PAK5: variants seen among roughly 807,000 people sequenced by gnomAD.
PAK5 encodes the protein p21 (RAC1) activated kinase 5.
PAK5 carries 16 observed loss-of-function variants against 65.9 expected under a neutral mutation model. That is an observed-to-expected ratio of 0.24 (90% confidence interval 0.16 to 0.37). The LOEUF (loss-of-function observed/expected upper bound fraction) is 0.37. Among genes scored for constraint, PAK5 ranks in the 10% least tolerant of loss-of-function variants. PAK5 has a pLI of 1.00. For synonymous variants in PAK5, 371 were observed against 354.9 expected (o/e 1.05, Z -0.51); for missense variants, 785 against 903.9 (o/e 0.87, Z 1.69).
intron 1 of PAK5, among the ~76,000 whole-genome samples, chr20:9,788,272 A>C (rs1312929018): frequency 6.6e-6 from 1 of 152,032 alleles, no homozygotes; most frequent in African/African-American, 2.4e-5. Flanking sequence ...GCAAGAACCT[A>C]TCATTGATGA....
chr20:9,754,916 GT>G (rs1343364144), intron 1 of PAK5, among the ~76,000 whole-genome samples: 2 of 152,144 alleles, frequency 1.3e-5, no homozygotes, highest in Non-Finnish European at 2.9e-5. Flanking sequence ...AACTACCTTT[GT>G]CTATCGGGAA....
At chr20:9,662,631 G>T (rs566461173) in intron 2 of PAK5, among the ~76,000 whole-genome samples, 2 of 152,176 alleles carry the variant, frequency 1.3e-5, no homozygotes, top group Non-Finnish European at 2.9e-5. Flanking sequence ...TCCCTGAACT[G>T]CTGTATGGAG....
intron 1 of PAK5, among the ~76,000 whole-genome samples, chr20:9,809,671 A>G (rs1385715505): frequency 6.6e-6 from 1 of 152,136 alleles, no homozygotes; most frequent in African/African-American, 2.4e-5. Flanking sequence ...TAAACTATTC[A>G]CATCCCACCT....
chr20:9,659,911 C>A (rs543148480), intron 2 of PAK5, among the ~76,000 whole-genome samples: 1 of 152,254 alleles, frequency 6.6e-6, no homozygotes, highest in African/African-American at 2.4e-5. Context: ...GTCTCACCTT[C>A]TGACTCTTCT....
At chr20:9,797,642 T>C (rs993930324) in intron 1 of PAK5, among the ~76,000 whole-genome samples, 11 of 143,218 alleles carry the variant, frequency 7.7e-5, no homozygotes, top group African/African-American at 2.9e-4. Flanking sequence ...ACTTAAAGTA[T>C]AATAAAAAAT....
chr20:9,725,770 A>ATTAT (rs1362454353), intron 1 of PAK5, among the ~76,000 whole-genome samples: 1 of 152,182 alleles, frequency 6.6e-6, no homozygotes, highest in East Asian at 1.9e-4. Context: ...TAATCAGTTT[A>ATTAT]AAGAGTATTA....
chr20:9,709,200 G>C (rs1473244817), intron 2 of PAK5, among the ~76,000 whole-genome samples: 1 of 152,154 alleles, frequency 6.6e-6, no homozygotes, highest in Non-Finnish European at 1.5e-5. Flanking sequence ...ACTAATCACA[G>C]AATGGCGTAT....
chr20:9,657,690 C>A (rs1600207150), intron 2 of PAK5, among the ~76,000 whole-genome samples: 2 of 152,254 alleles, frequency 1.3e-5, no homozygotes. Flanking sequence ...CAGCTGCAGG[C>A]CTACTCGTGA....
chr20:9,733,599 C>T (rs1003814629), intron 1 of PAK5, among the ~76,000 whole-genome samples: 14 of 152,088 alleles, frequency 9.2e-5, no homozygotes, highest in Non-Finnish European at 1.9e-4. Context: ...CAGGTGCCAC[C>T]ACACCCAACT....
At chr20:9,653,214 C>T (rs2047223217) in intron 2 of PAK5, among the ~76,000 whole-genome samples, 1 of 152,174 alleles carries the variant, frequency 6.6e-6, no homozygotes, top group South Asian at 2.1e-4. Flanking sequence ...AAGAGAAAAT[C>T]ATGGGTTTTA....
chr20:9,541,737 C>T (rs1161207583), intron 9 of PAK5, among the ~76,000 whole-genome samples: 2 of 152,156 alleles, frequency 1.3e-5, no homozygotes, highest in Non-Finnish European at 2.9e-5. Context: ...TCAAATCTCA[C>T]CTCATATTGT....
At chr20:9,688,290 C>T (rs573710715) in intron 2 of PAK5, among the ~76,000 whole-genome samples, 3 of 152,128 alleles carry the variant, frequency 2.0e-5, no homozygotes, top group East Asian at 3.9e-4. Context: ...AATTCTACTT[C>T]CCACCCCTCT....
chr20:9,679,804 T>TC (rs1291091706), intron 2 of PAK5, among the ~76,000 whole-genome samples: 1 of 152,232 alleles, frequency 6.6e-6, no homozygotes, highest in African/African-American at 2.4e-5. Flanking sequence ...AAGCATGTCT[T>TC]CATGTAATAA....
chr20:9,568,124 T>C (rs541449709), intron 4 of PAK5, among the ~76,000 whole-genome samples: 12 of 152,244 alleles, frequency 7.9e-5, no homozygotes, highest in African/African-American at 2.4e-4. Context: ...GGCAAAGACG[T>C]TGGCTTTTGC....
intron 7 of PAK5, among the ~76,000 whole-genome samples, chr20:9,549,761 C>T (rs2045398892): frequency 6.6e-6 from 1 of 152,174 alleles, no homozygotes; most frequent in Non-Finnish European, 1.5e-5. Flanking sequence ...ACTCTATGTT[C>T]ACATCATATT....
chr20:9,665,692 A>T (rs1277440671), intron 2 of PAK5, among the ~76,000 whole-genome samples: 2 of 146,374 alleles, frequency 1.4e-5, no homozygotes, highest in Non-Finnish European at 3.0e-5. Context: ...GGGTCTCGTT[A>T]TGTTGTCCAA....
intron 2 of PAK5, among the ~76,000 whole-genome samples, chr20:9,672,427 A>G (rs1289946348): frequency 6.7e-6 from 1 of 150,220 alleles, no homozygotes; most frequent in East Asian, 2.0e-4. Flanking sequence ...TCATGGGAGG[A>G]AGCCTGTGGG....
intron 1 of PAK5, among the ~76,000 whole-genome samples, chr20:9,798,121 T>A (rs2049126637): frequency 6.6e-6 from 1 of 152,054 alleles, no homozygotes; most frequent in South Asian, 2.1e-4. Context: ...AGTGGCAATG[T>A]GGGGGCCAAA....
intron 2 of PAK5, among the ~76,000 whole-genome samples, chr20:9,650,469 G>T (rs2047189095): frequency 6.6e-6 from 1 of 152,146 alleles, no homozygotes; most frequent in Non-Finnish European, 1.5e-5. Context: ...GGTTTTCTTT[G>T]CAAAATTCCC....
Sources: allele counts gnomAD v4.1 joint callset (sites outside exome capture counted in the v4.1 genomes callset), GRCh38; gene constraint gnomAD v4.1.1; transcripts MANE v1.5; gene names NCBI Gene and HGNC (gene_info 2026-07-23, HGNC 2026-07-21).